ANKRD30B: variants seen among roughly 807,000 people sequenced by gnomAD.
ANKRD30B encodes the protein ankyrin repeat domain-containing protein 30B.
A neutral mutation model predicts 202.2 loss-of-function variants in ANKRD30B; 144 were observed. That is an observed-to-expected ratio of 0.71 (90% CI 0.62 to 0.82). The LOEUF (loss-of-function observed/expected upper bound fraction) is 0.82. Among genes scored for constraint, ANKRD30B ranks in the 40% least tolerant of loss-of-function variants. The pLI is 0.00. For synonymous variants in ANKRD30B, 508 were observed against 561.3 expected (o/e 0.91, Z 1.34); for missense variants, 1,487 against 1,669.1 (o/e 0.89, Z 1.90).
intron 34 of ANKRD30B, among the ~76,000 whole-genome samples, chr18:14,833,127 G>A (rs1971024821): frequency 6.6e-6 from 1 of 152,074 alleles, no homozygotes; most frequent in Non-Finnish European, 1.5e-5. Flanking sequence ...AGTAGAGACA[G>A]GGTGTCACCA....
Position 14,784,455 on chromosome 18 carries a change from C to A in ANKRD30B, c.1600-8C>A. The A allele has an allele frequency of 6.2e-7, 1 of 1,613,174 alleles. No individual in the cohort carries two copies. The highest frequency in any genetic ancestry group is 8.5e-7 in the Non-Finnish European group (1 of 1,179,446). ...TTTATTGATCATTTTTCTTCCAAAC[C>A]CATTTAGCCTGCCGTTGAAATGCAA... On this transcript the variant is annotated splice_polypyrimidine_tract_variant and splice_region_variant and intron_variant, in intron 13 of 43. Transcript: ENST00000690538.
intron 39 of ANKRD30B, among the ~76,000 whole-genome samples, chr18:14,843,406 G>C (rs1414019696): frequency 6.6e-6 from 1 of 151,916 alleles, no homozygotes; most frequent in East Asian, 1.9e-4. Flanking sequence ...ATTTTTTTCT[G>C]TTCAAAAATT....
chr18:14,844,070 CTTTG>C (rs1246575461), intron 39 of ANKRD30B, among the ~76,000 whole-genome samples: 1 of 151,924 alleles, frequency 6.6e-6, no homozygotes, highest in African/African-American at 2.4e-5. Flanking sequence ...CTGTAACATT[CTTTG>C]TTTGATCAGC....
At chr18:14,777,376 C>T (rs1284491739) in intron 9 of ANKRD30B, among the ~76,000 whole-genome samples, 1 of 151,958 alleles carries the variant, frequency 6.6e-6, no homozygotes, top group African/African-American at 2.4e-5. Flanking sequence ...CAGCTGACTA[C>T]AACCTCCACC....
chr18:14,858,699 C>T (rs1239539941), downstream of ANKRD30B, among the ~76,000 whole-genome samples: 2 of 146,234 alleles, frequency 1.4e-5, no homozygotes, highest in African/African-American at 5.0e-5. Context: ...GGTGGCCGGG[C>T]AGAGGCACTC....
chr18:14,795,355 C>A (rs1291151899), intron 16 of ANKRD30B, among the ~76,000 whole-genome samples: 2 of 152,158 alleles, frequency 1.3e-5, no homozygotes, highest in Non-Finnish European at 2.9e-5. Flanking sequence ...TGCCACCATA[C>A]CTGGATGATT....
chr18:14,916,654 A>C, the ANKRD30B span, among the ~76,000 whole-genome samples: 1 of 152,174 alleles, frequency 6.6e-6, no homozygotes, highest in Admixed American at 6.6e-5. Flanking sequence ...TCTAGAACAA[A>C]ACTTCTTACT....
In ANKRD30B at chr18:14,831,046, G is replaced by GT. The variant is rs1598693191; in HGVS notation, c.2775-336dup. On this transcript the variant is annotated intron_variant, in intron 33 of 43. Coordinates refer to ENST00000690538, the MANE Select transcript of ANKRD30B (RefSeq NM_001367607.2). ...AAATACAAAAAATTAGCCGGGCGCA[G>GT]TGGCGGGCTCCAGCCCCAGCTACTG... 2.0e-5 allele frequency among the ~76,000 whole-genome samples: 3 copies of GT among 151,688 alleles called. No homozygotes were observed. In the East Asian group the frequency reaches 5.8e-4, roughly 30 times the overall value.
chr18:14,852,354 A>T lies in ANKRD30B; in HGVS notation c.4410A>T (p.Val1470=). 1.6e-5 allele frequency: 25 copies of T among 1,542,912 alleles called. No individual in the cohort carries two copies. Among genetic ancestry groups the T allele is most frequent in the Non-Finnish European group, 2.1e-5 (24 of 1,144,502 alleles). The change falls in exon 42 of 44, where the codon GTA becomes GTT. Residue 1470 remains valine, a synonymous_variant. Coordinates refer to ENST00000690538, the MANE Select transcript of ANKRD30B (RefSeq NM_001367607.2). ...ATCTAAACGAGAAAAATGAGGAGGT[A>T]TTCAATTATGGTAACCATTTAAAAG... The part of the protein sequence containing the change: ...QRHLNEKNEE[V]FNYGNHLKER...
At chr18:14,765,345 C>A (rs1265940171) in intron 7 of ANKRD30B, among the ~76,000 whole-genome samples, 1 of 151,952 alleles carries the variant, frequency 6.6e-6, no homozygotes, top group East Asian at 1.9e-4. Flanking sequence ...TGCCTGTAAT[C>A]CCAGCTACTT....
chr18:14,799,137 C>T lies in ANKRD30B; in HGVS notation c.2058+8C>T, dbSNP rs751534252. On this transcript the variant is annotated splice_region_variant and intron_variant, in intron 21 of 43. Transcript: ENST00000690538. ...AATGATGGTCTTCTGAAGGTAATAA[C>T]TTTTATATTTTTATCTTGAATATTA... 2 of 1,582,918 alleles carry T rather than the reference C, an allele frequency of 1.3e-6. No individual in the cohort carries two copies. Among genetic ancestry groups the T allele is most frequent in the East Asian group, 2.2e-5 (1 of 44,506 alleles).
the ANKRD30B span, among the ~76,000 whole-genome samples, chr18:14,910,336 T>A: frequency 1.3e-5 from 2 of 152,242 alleles, no homozygotes; most frequent in Non-Finnish European, 2.9e-5. Flanking sequence ...CATGTGGCAT[T>A]TGACTTTTCT....
rs1398459445 is a variant in ANKRD30B at position 14,763,792 on chromosome 18, G to A, written c.927G>A (p.Leu309=). 9 of 1,613,952 alleles carry A rather than the reference G, an allele frequency of 5.6e-6. No homozygotes were observed. The highest frequency in any genetic ancestry group is 1.7e-5 in the Admixed American group (1 of 59,972). Residue 309 remains leucine, a synonymous_variant, in exon 7 of 44, where the codon TTG becomes TTA. Transcript: ENST00000690538. The part of the protein sequence containing the change: ...LEKTPDEAAR[L]VEGTSAKIQC... Reference sequence around the variant, plus strand: ...AAACACCTGACGAGGCTGCACGCTTGGTGGAGGGAACGTCTGCCAAAATTC... The same window carrying A: ...AAACACCTGACGAGGCTGCACGCTTAGTGGAGGGAACGTCTGCCAAAATTC...
the ANKRD30B span, among the ~76,000 whole-genome samples, chr18:14,939,824 C>A: frequency 3.3e-5 from 5 of 152,214 alleles, no homozygotes; most frequent in Non-Finnish European, 5.9e-5. Context: ...CAGATGCCAC[C>A]AGGCATAGCA....
At chr18:14,844,550 G>A (rs56124141) in intron 39 of ANKRD30B, among the ~76,000 whole-genome samples, 1,748 of 152,288 alleles carry the variant, frequency 0.011, 40 homozygotes, top group African/African-American at 0.04. Context: ...ACATATGTGT[G>A]CGTGTGTCTT....
chr18:14,763,616 T>C (rs745743187), intron 6 of ANKRD30B, 70 bp from the exon 7 acceptor site: 1 of 1,570,036 alleles, frequency 6.4e-7, no homozygotes, highest in Non-Finnish European at 8.6e-7. Context: ...TAAGTAGAAG[T>C]TTGCCAGGTG....
chr18:14,924,094 A>AT, the ANKRD30B span, among the ~76,000 whole-genome samples: 1 of 152,218 alleles, frequency 6.6e-6, no homozygotes, highest in Non-Finnish European at 1.5e-5. Flanking sequence ...TACACTGGTC[A>AT]TGTCACCTCT....
intron 1 of ANKRD30B, among the ~76,000 whole-genome samples, chr18:14,750,627 A>G (rs1410256595): frequency 3.9e-5 from 6 of 152,098 alleles, no homozygotes; most frequent in Non-Finnish European, 2.9e-5. Flanking sequence ...CATACACACA[A>G]TTTCTTTTCT....
chr18:14,767,793 T>C (rs1567991249), intron 7 of ANKRD30B, among the ~76,000 whole-genome samples: 1 of 152,220 alleles, frequency 6.6e-6, no homozygotes, highest in Non-Finnish European at 1.5e-5. Context: ...TCATACTCCT[T>C]AGAATGACAC....
Sources: gnomAD v4.1 joint callset for allele counts (sites outside exome capture counted in the v4.1 genomes callset) on GRCh38, gnomAD v4.1.1 for gene constraint, MANE v1.5 for transcripts, NCBI Gene and HGNC (gene_info 2026-07-23, HGNC 2026-07-21) for gene names.